KCNJ6: variants seen among roughly 807,000 people sequenced by gnomAD.
KCNJ6 encodes the protein potassium inwardly rectifying channel subfamily J member 6.
Under a neutral mutation model 34.2 loss-of-function variants are expected in KCNJ6, and 9 were observed. The observed-to-expected ratio is 0.26, with a 90% confidence interval of 0.16 to 0.46. The LOEUF is 0.46. Ranked by LOEUF, KCNJ6 falls within the 20% of genes least tolerant of loss-of-function variation. The pLI is 1.00. For missense variants in KCNJ6, 236 were observed against 531.3 expected (o/e 0.44, Z 5.46); for synonymous variants, 196 against 207.1 (o/e 0.95, Z 0.46).
intron 1 of KCNJ6, among the ~76,000 whole-genome samples, chr21:37,879,465 G>A (rs1339153847): frequency 6.6e-6 from 1 of 152,064 alleles, no homozygotes; most frequent in Non-Finnish European, 1.5e-5. Context: ...AAGGGGGTTG[G>A]CTATGACCTA....
chr21:37,692,421 A>G (rs935641287), intron 3 of KCNJ6, among the ~76,000 whole-genome samples: 1 of 152,120 alleles, frequency 6.6e-6, no homozygotes, highest in Admixed American at 6.5e-5. Context: ...AAGAATCAAT[A>G]TATTCTCCTC....
chr21:37,615,020 G>T lies in KCNJ6; in HGVS notation c.*10139C>A, dbSNP rs2054261089. On this transcript the variant is annotated 3_prime_UTR_variant, in exon 4 of 4. Coordinates refer to ENST00000609713, the MANE Select transcript of KCNJ6 (RefSeq NM_002240.5). ...TGTTTTGTTGATGCCTGTTGTCACA[G>T]AATTAGAAAATACACAGAAGAAATT... 1 of 152,184 alleles carries T rather than the reference G, an allele frequency of 6.6e-6. No individual in the cohort carries two copies. The highest frequency in any genetic ancestry group is 2.1e-4 in the South Asian group (1 of 4,826). 9.4% of individuals were successfully genotyped at this position (152,184 alleles called of 1,614,324 possible).
At position 37,623,360 on chromosome 21, in the gene KCNJ6, C is replaced by G. The variant is rs2054296530; in HGVS notation, c.*1799G>C. On this transcript the variant is annotated 3_prime_UTR_variant, in exon 4 of 4. Transcript: ENST00000609713. The stretch of plus-strand genomic sequence containing the variant: ...CAAAGAGGGACAGCTAGTTTGATCT[C>G]TTTGACCTCCATGGTGCAGAGCCTC... 1 of 152,220 alleles carries G rather than the reference C, an allele frequency of 6.6e-6. No individual in the cohort carries two copies. The highest frequency in any genetic ancestry group is 2.1e-4 in the South Asian group (1 of 4,832). 9.4% of individuals were successfully genotyped at this position (152,220 alleles called of 1,614,324 possible).
chr21:37,864,995 G>A (rs1319623403), intron 1 of KCNJ6, among the ~76,000 whole-genome samples: 2 of 151,618 alleles, frequency 1.3e-5, no homozygotes, highest in Non-Finnish European at 2.9e-5. Flanking sequence ...ATGAGTCACT[G>A]TGCCTGGCCC....
chr21:37,783,974 C>T (rs1432833104), intron 2 of KCNJ6, among the ~76,000 whole-genome samples: 1 of 152,212 alleles, frequency 6.6e-6, no homozygotes, highest in Non-Finnish European at 1.5e-5. Context: ...CATCAGTTAG[C>T]ATCTTGATAT....
Position 37,682,553 on chromosome 21 carries a change from G to T in KCNJ6, c.946+31658C>A, listed in dbSNP as rs535678943. On this transcript the variant is annotated intron_variant, in intron 3 of 3. Coordinates refer to ENST00000609713, the MANE Select transcript of KCNJ6 (RefSeq NM_002240.5). ...CTCCATCTTCACGTGACCTTCTTCTGTGTGTCTCTTATAAGGGCAATTGTC... is the reference window on the plus strand; with the variant it reads ...CTCCATCTTCACGTGACCTTCTTCTTTGTGTCTCTTATAAGGGCAATTGTC... Among the ~76,000 whole-genome samples the T allele has an allele frequency of 2.0e-5, 3 of 151,828 alleles. No homozygotes were observed. The Middle Eastern group carries it at 0.01, about 516-fold the overall frequency.
At chr21:37,748,871 C>A (rs924925769) in intron 2 of KCNJ6, among the ~76,000 whole-genome samples, 2 of 152,076 alleles carry the variant, frequency 1.3e-5, no homozygotes, top group Non-Finnish European at 2.9e-5. Context: ...AGGGAAGAGT[C>A]CAGGAACAAA....
intron 3 of KCNJ6, among the ~76,000 whole-genome samples, chr21:37,711,876 G>T (rs1039043982): frequency 2.0e-5 from 3 of 152,024 alleles, no homozygotes; most frequent in Non-Finnish European, 2.9e-5. Flanking sequence ...CAGGGATGGG[G>T]TGAGCGTTTG....
At chr21:37,805,271 T>C (rs1165374837) in intron 2 of KCNJ6, among the ~76,000 whole-genome samples, 1 of 152,050 alleles carries the variant, frequency 6.6e-6, no homozygotes, top group Non-Finnish European at 1.5e-5. Flanking sequence ...ATGTGAATTA[T>C]ATTTCAATGA....
chr21:37,616,590 C>CATATATATATATATATATATAT lies in KCNJ6; in HGVS notation c.*8547_*8568dup. 1.0e-3 allele frequency: 94 copies of CATATATATATATATATATATAT among 90,926 alleles called. 1 individual carries two copies. Among genetic ancestry groups the CATATATATATATATATATATAT allele is most frequent in the South Asian group, 1.9e-3 (5 of 2,640 alleles). The allele number at this position is 90,926 out of a possible 1,614,324, so 5.6% of individuals were successfully genotyped here. ...AATTATGAAGCAGGAACAAAATGTA[C>CATATATATATATATATATATAT]ATATATATATATATATATATATATA... On this transcript the variant is annotated 3_prime_UTR_variant, in exon 4 of 4. Coordinates refer to ENST00000609713, the MANE Select transcript of KCNJ6 (RefSeq NM_002240.5).
Position 37,829,140 on chromosome 21 carries a change from G to A in KCNJ6, c.25+11518C>T, listed in dbSNP as rs560922245. The stretch of plus-strand genomic sequence containing the variant: ...GAGGATGAGCAGAAGTGGGAGTGGC[G>A]GGAGGTGGGGGATGGAGCCTGAACC... On this transcript the variant is annotated intron_variant, in intron 2 of 3. Coordinates refer to ENST00000609713, the MANE Select transcript of KCNJ6 (RefSeq NM_002240.5). Among the ~76,000 whole-genome samples the A allele has an allele frequency of 7.2e-5, 11 of 151,942 alleles. No individual in the cohort carries two copies. In the East Asian group the frequency reaches 1.2e-3, roughly 16 times the overall value.
intron 2 of KCNJ6, among the ~76,000 whole-genome samples, chr21:37,731,009 C>A (rs766427210): frequency 6.6e-6 from 1 of 152,082 alleles, no homozygotes; most frequent in Non-Finnish European, 1.5e-5. Context: ...GTCTAATATT[C>A]GGTGGGGATA....
At chr21:37,911,576 T>G (rs1465057793) in intron 1 of KCNJ6, among the ~76,000 whole-genome samples, 1 of 152,204 alleles carries the variant, frequency 6.6e-6, no homozygotes, top group Non-Finnish European at 1.5e-5. Context: ...AAAACCAACC[T>G]CACTTTGAAA....
chr21:37,858,835 C>A (rs2055578434), intron 1 of KCNJ6, among the ~76,000 whole-genome samples: 1 of 152,056 alleles, frequency 6.6e-6, no homozygotes, highest in South Asian at 2.1e-4. Flanking sequence ...TAAAGGTCAG[C>A]ACTAGATGAA....
In KCNJ6 at chr21:37,728,411, C is replaced by T. The variant is rs950449916; in HGVS notation, c.26-13280G>A. On this transcript the variant is annotated intron_variant, in intron 2 of 3. Transcript: ENST00000609713. ...ACCTTGAATGTATCATTGAAGTGTG[C>T]GCTTTAAGAATCGTTAAAATGATAA... Among the ~76,000 whole-genome samples, 14 of 152,158 alleles carry T rather than the reference C, an allele frequency of 9.2e-5. No individual in the cohort carries two copies. In the East Asian group the frequency reaches 9.7e-4, roughly 10 times the overall value.
At chr21:37,897,251 CCTTG>C (rs1034343638) in intron 1 of KCNJ6, among the ~76,000 whole-genome samples, 1 of 152,208 alleles carries the variant, frequency 6.6e-6, no homozygotes, top group African/African-American at 2.4e-5. Flanking sequence ...GGACTCCTCC[CCTTG>C]CTTAGTGTGG....
chr21:37,677,628 T>C (rs1267668518), intron 3 of KCNJ6, among the ~76,000 whole-genome samples: 1 of 152,114 alleles, frequency 6.6e-6, no homozygotes, highest in African/African-American at 2.4e-5. Flanking sequence ...CTTCAAAGTA[T>C]GTGTTAAAAT....
At chr21:37,839,950 C>A (rs2055470673) in intron 2 of KCNJ6, among the ~76,000 whole-genome samples, 1 of 152,092 alleles carries the variant, frequency 6.6e-6, no homozygotes. Context: ...AGGCATGCAC[C>A]ACCATGCTCA....
intron 2 of KCNJ6, among the ~76,000 whole-genome samples, chr21:37,807,310 A>G (rs968645587): frequency 6.6e-6 from 1 of 152,230 alleles, no homozygotes; most frequent in Non-Finnish European, 1.5e-5. Context: ...ATATGAACAG[A>G]AAAGTACAAG....
Sources: allele counts gnomAD v4.1 joint callset (sites outside exome capture counted in the v4.1 genomes callset), GRCh38; gene constraint gnomAD v4.1.1; transcripts MANE v1.5; gene names NCBI Gene and HGNC (gene_info 2026-07-23, HGNC 2026-07-21).